Variants in R3HDM1 observed in about 807,000 individuals in gnomAD.
R3HDM1 encodes R3H domain containing 1.
R3HDM1 carries 46 observed loss-of-function variants against 141.1 expected under a neutral mutation model. The observed-to-expected ratio is 0.33, with a 90% CI of 0.26 to 0.42. The LOEUF is 0.42. Ranked by LOEUF, R3HDM1 falls within the 10% of genes least tolerant of loss-of-function variation. R3HDM1 has a pLI of 1.00. For missense variants in R3HDM1, 1,184 were observed against 1,368.3 expected (o/e 0.87, Z 2.12); for synonymous variants, 435 against 472.9 (o/e 0.92, Z 1.04).
intron 24 of R3HDM1, 36 bp downstream of exon 24, chr2:135,715,730 A>AT (rs1276085734): frequency 6.3e-7 from 1 of 1,583,356 alleles, no homozygotes; most frequent in South Asian, 1.1e-5. Flanking sequence ...ACTTCAGAGA[A>AT]TTTAAGACAT....
intron 21 of R3HDM1, among the ~76,000 whole-genome samples, chr2:135,701,146 A>C (rs991534488): frequency 3.3e-5 from 5 of 151,568 alleles, no homozygotes; most frequent in Non-Finnish European, 7.4e-5. Flanking sequence ...ACACTTTGGG[A>C]CACAGAGATG....
intron 1 of R3HDM1, among the ~76,000 whole-genome samples, chr2:135,554,786 G>A (rs1222301992): frequency 6.6e-6 from 1 of 152,130 alleles, no homozygotes; most frequent in African/African-American, 2.4e-5. Flanking sequence ...GATCCTACTT[G>A]ACCATTTTAA....
At chr2:135,714,143 A>T (rs1001540638) in intron 23 of R3HDM1, among the ~76,000 whole-genome samples, 11 of 152,168 alleles carry the variant, frequency 7.2e-5, no homozygotes, top group African/African-American at 2.7e-4. Context: ...AAGGAAAAAA[A>T]TTGTAATTTA....
chr2:135,723,891 T>G (rs756287331), intron 26 of R3HDM1, 46 bp from the exon 27 acceptor site: 49 of 1,498,304 alleles, frequency 3.3e-5, no homozygotes, highest in Non-Finnish European at 4.3e-5. Flanking sequence ...TTACCCAACT[T>G]TTTTGGTAAC....
At chr2:135,613,026 A>C (rs1238083706) in intron 3 of R3HDM1, among the ~76,000 whole-genome samples, 1 of 152,180 alleles carries the variant, frequency 6.6e-6, no homozygotes, top group Non-Finnish European at 1.5e-5. Context: ...TTTATGGTTT[A>C]CTTATATAGT....
intron 20 of R3HDM1, among the ~76,000 whole-genome samples, chr2:135,678,490 G>A (rs1165964591): frequency 6.6e-6 from 1 of 151,512 alleles, no homozygotes; most frequent in Non-Finnish European, 1.5e-5. Flanking sequence ...GCTCATGCCT[G>A]TAACCCCAGC....
chr2:135,670,300 G>T, intron 19 of R3HDM1: 4 of 985,096 alleles, frequency 4.1e-6, no homozygotes, highest in Non-Finnish European at 4.8e-6. Flanking sequence ...TTCTAGAGCA[G>T]ACACAGGAAG....
chr2:135,600,299 C>T (rs2059525690), intron 1 of R3HDM1, among the ~76,000 whole-genome samples: 1 of 151,942 alleles, frequency 6.6e-6, no homozygotes, highest in South Asian at 2.1e-4. Flanking sequence ...GAGCCATACA[C>T]AAAAATGCTA....
intron 1 of R3HDM1, among the ~76,000 whole-genome samples, chr2:135,572,873 T>C (rs2105001090): frequency 6.6e-6 from 1 of 152,350 alleles, no homozygotes; most frequent in South Asian, 2.1e-4. Flanking sequence ...ACTCTTGATA[T>C]CACTGTGCTA....
chr2:135,577,024 A>G, intron 1 of R3HDM1: 15 of 763,252 alleles, frequency 2.0e-5, no homozygotes, highest in Non-Finnish European at 2.2e-5. Context: ...AATTATATCC[A>G]ATAATTAGCT....
At chr2:135,638,543 T>C (rs1189209773) in intron 11 of R3HDM1, 75 bp from the exon 12 acceptor site, 2 of 1,394,356 alleles carry the variant, frequency 1.4e-6, no homozygotes, top group African/African-American at 2.9e-5. Context: ...ATTTTTGTTG[T>C]CATCATTGGT....
chr2:135,537,262 T>A (rs1696366018), intron 1 of R3HDM1, among the ~76,000 whole-genome samples: 4 of 148,002 alleles, frequency 2.7e-5, no homozygotes, highest in African/African-American at 1.0e-4. Context: ...ATAGCTAAAG[T>A]GAGCATTAGT....
At position 135,645,541 on chromosome 2, in the gene R3HDM1, T is replaced by C. The variant is rs749514319; in HGVS notation, c.1623+14T>C. The C allele has an allele frequency of 5.5e-5, 88 of 1,611,912 alleles. 1 individual carries two copies. In the Admixed American group the frequency reaches 1.5e-3, roughly 27 times the overall value. ...ATTTTCTCACAGGTGCACATATCCA[T>C]GATTACATAATGCTAAGTTGACTTG... On this transcript the variant is annotated intron_variant, in intron 16 of 26. Coordinates refer to ENST00000683871, the MANE Select transcript of R3HDM1 (RefSeq NM_001378107.1).
At chr2:135,717,912 G>C (rs2105459912) in intron 24 of R3HDM1, among the ~76,000 whole-genome samples, 1 of 152,256 alleles carries the variant, frequency 6.6e-6, no homozygotes, top group Non-Finnish European at 1.5e-5. Flanking sequence ...TTTTATAATA[G>C]CTCAAACTGG....
At chr2:135,583,767 TA>T in intron 1 of R3HDM1, 1 of 985,444 alleles carries the variant, frequency 1.0e-6, no homozygotes, top group Non-Finnish European at 1.2e-6. Flanking sequence ...TTGAGATCTT[TA>T]AAAAGTTCCG....
At chr2:135,650,977 T>A (rs2065091557) in intron 17 of R3HDM1, 43 of 985,452 alleles carry the variant, frequency 4.4e-5, no homozygotes, top group Non-Finnish European at 5.1e-5. Flanking sequence ...ATTTCAGTGA[T>A]ATTTTTCTGG....
At chr2:135,564,132 C>T (rs1702292600) in intron 1 of R3HDM1, among the ~76,000 whole-genome samples, 1 of 152,176 alleles carries the variant, frequency 6.6e-6, no homozygotes, top group Admixed American at 6.5e-5. Context: ...TTGGGGATTA[C>T]ATTCCAACAT....
At chr2:135,720,526 T>TA (rs775015421) in intron 24 of R3HDM1, among the ~76,000 whole-genome samples, 2 of 152,262 alleles carry the variant, frequency 1.3e-5, no homozygotes, top group Non-Finnish European at 2.9e-5. Context: ...CAGCATTTAT[T>TA]AAGCCTTTGC....
In R3HDM1 at chr2:135,723,975, G is replaced by A; in HGVS notation, c.3088G>A (p.Gly1030Arg). 6.2e-7 allele frequency: 1 copy of A among 1,613,704 alleles called. No homozygotes were observed. ...KVLEITELPD[G>R]ITRMEAEKLF... Reference sequence around the variant, plus strand: ...CTTGGAAATTACTGAACTACCAGATGGAATAACTCGCATGGAAGCTGAAAA... The same window carrying A: ...CTTGGAAATTACTGAACTACCAGATAGAATAACTCGCATGGAAGCTGAAAA... The change falls in exon 27 of 27, where the codon GGA becomes AGA. Residue 1030 changes from glycine (G) to arginine (R), a missense_variant. Transcript: ENST00000683871.
Sources: allele counts gnomAD v4.1 joint callset (sites outside exome capture counted in the v4.1 genomes callset), GRCh38; gene constraint gnomAD v4.1.1; transcripts MANE v1.5; gene names NCBI Gene and HGNC (gene_info 2026-07-23, HGNC 2026-07-21).